The following FBRSL1 variants were observed in gnomAD, a reference collection of about 807,000 sequenced individuals.
FBRSL1 encodes fibrosin like 1, also known as fibrosin-1-like protein.
Under a neutral mutation model 89.6 loss-of-function variants are expected in FBRSL1, and 51 were observed. That is an observed-to-expected ratio of 0.57 (90% confidence interval 0.45 to 0.72). FBRSL1 has a LOEUF of 0.72. Among genes scored for constraint, FBRSL1 ranks in the 30% least tolerant of loss-of-function variants. The pLI is 0.00. For missense variants in FBRSL1, 1,618 were observed against 1,451.8 expected (o/e 1.11, Z -1.86); for synonymous variants, 779 against 681.1 (o/e 1.14, Z -2.24).
At chr12:132,517,426 G>C (rs1240303664) in intron 2 of FBRSL1, among the ~76,000 whole-genome samples, 1 of 152,210 alleles carries the variant, frequency 6.6e-6, no homozygotes, top group African/African-American at 2.4e-5. Flanking sequence ...GGTCGGGAAG[G>C]CTCTTCCGAC....
intron 1 of FBRSL1, among the ~76,000 whole-genome samples, chr12:132,505,543 A>G (rs183435860): frequency 7.7e-4 from 117 of 152,236 alleles, no homozygotes; most frequent in Admixed American, 1.6e-3. Flanking sequence ...GCTGCCTGTC[A>G]TGGTGGCCTT....
chr12:132,562,570 G>A (rs11829139), intron 5 of FBRSL1, among the ~76,000 whole-genome samples: 1 of 40,544 alleles, frequency 2.5e-5, no homozygotes, highest in Non-Finnish European at 4.2e-5. Flanking sequence ...GCAGGACCCC[G>A]ACCCCGGGGA....
chr12:132,581,130 T>C lies in FBRSL1; in HGVS notation c.1835-309T>C. The C allele has an allele frequency of 6.1e-6, 6 of 985,476 alleles. No homozygotes were observed. The South Asian group carries it at 1.9e-4, about 31-fold the overall frequency. The allele number at this position is 985,476 out of a possible 1,614,324, so 61.0% of individuals were successfully genotyped here. Reference sequence around the variant, plus strand: ...TGGTCCGATCAAGGTGCATGTTACTTGGACTTTGTCTCTGCCCAAGTTGCA... The same window carrying C: ...TGGTCCGATCAAGGTGCATGTTACTCGGACTTTGTCTCTGCCCAAGTTGCA... On this transcript the variant is annotated intron_variant, in intron 15 of 18. Coordinates refer to ENST00000680143, the MANE Select transcript of FBRSL1 (RefSeq NM_001367871.1).
intron 1 of FBRSL1, among the ~76,000 whole-genome samples, chr12:132,496,462 G>A (rs571986447): frequency 1.1e-4 from 16 of 152,288 alleles, no homozygotes; most frequent in Admixed American, 4.6e-4. Flanking sequence ...TGGAAGCCTC[G>A]TTTCACTGTG....
At chr12:132,567,121 T>C (rs1467252541) in intron 5 of FBRSL1, among the ~76,000 whole-genome samples, 5 of 152,172 alleles carry the variant, frequency 3.3e-5, no homozygotes, top group Non-Finnish European at 5.9e-5. Flanking sequence ...CCACAGCTAC[T>C]GGTGCTGGTT....
intron 1 of FBRSL1, among the ~76,000 whole-genome samples, chr12:132,496,883 C>T (rs867554948): frequency 3.5e-5 from 5 of 141,220 alleles, no homozygotes; most frequent in Admixed American, 2.9e-4. Context: ...GGTCCAGCAT[C>T]GGGTAGGGGT....
intron 1 of FBRSL1, among the ~76,000 whole-genome samples, chr12:132,497,466 G>T (rs900726640): frequency 1.8e-4 from 27 of 152,088 alleles, no homozygotes; most frequent in Non-Finnish European, 3.5e-4. Flanking sequence ...GCCCACCTGA[G>T]TCTCCAGGAG....
rs2040972556 is a variant in FBRSL1, at chr12:132,583,905, A to T, written c.*127A>T. 1 of 398,578 alleles carries T rather than the reference A, an allele frequency of 2.5e-6. No homozygotes were observed. The highest frequency in any genetic ancestry group is 1.2e-4 in the South Asian group (1 of 8,452). 24.7% of individuals were successfully genotyped at this position (398,578 alleles called of 1,614,324 possible). A position where few individuals can be genotyped will look rare whatever the true frequency, so the allele number is the denominator to read the frequency against. On this transcript the variant is annotated 3_prime_UTR_variant, in exon 19 of 19. Transcript: ENST00000680143. ...CCGCCTCTCCACCCGCAGCCTGCGG[A>T]GGCGGGGACTTGGGTGTCGGCTTTT...
intron 4 of FBRSL1, among the ~76,000 whole-genome samples, chr12:132,536,545 G>A (rs1188043384): frequency 5.3e-5 from 8 of 151,050 alleles, no homozygotes. Flanking sequence ...TGTGCTATGT[G>A]TACATGACAG....
chr12:132,505,311 G>A (rs906993290), intron 1 of FBRSL1, among the ~76,000 whole-genome samples: 2 of 152,176 alleles, frequency 1.3e-5, no homozygotes, highest in African/African-American at 4.8e-5. Flanking sequence ...TCCTTCCACG[G>A]AGCCCAGGCA....
chr12:132,525,272 C>T (rs979621596), intron 2 of FBRSL1, among the ~76,000 whole-genome samples: 2 of 152,228 alleles, frequency 1.3e-5, no homozygotes, highest in Non-Finnish European at 2.9e-5. Context: ...CACTGAGGCT[C>T]GACCTGGAGG....
chr12:132,573,985 G>A, intron 11 of FBRSL1, 105 bp from the exon 12 acceptor site: 2 of 738,376 alleles, frequency 2.7e-6, no homozygotes, highest in Non-Finnish European at 3.5e-6. Context: ...GGGCCCCACG[G>A]CAAGGCAAAG....
intron 15 of FBRSL1, among the ~76,000 whole-genome samples, chr12:132,578,201 C>A (rs567617859): frequency 2.0e-5 from 3 of 152,304 alleles, no homozygotes; most frequent in Admixed American, 6.5e-5. Context: ...AGACCATGAC[C>A]AGGCGTGGTG....
chr12:132,551,722 G>A (rs898139298), intron 5 of FBRSL1: 53 of 387,528 alleles, frequency 1.4e-4, no homozygotes, highest in Non-Finnish European at 1.9e-4. Flanking sequence ...CCGCCCAGCC[G>A]CCCCCTCCCC....
At chr12:132,578,185 T>C (rs1213056459) in intron 15 of FBRSL1, among the ~76,000 whole-genome samples, 2 of 152,212 alleles carry the variant, frequency 1.3e-5, no homozygotes, top group Non-Finnish European at 2.9e-5. Flanking sequence ...GAAAACCTTA[T>C]GAGGCAGACC....
chr12:132,550,954 G>A (rs780572975), intron 5 of FBRSL1: 29 of 206,820 alleles, frequency 1.4e-4, no homozygotes, highest in Admixed American at 2.0e-4. Context: ...CCATCCAGAC[G>A]CACACAGAGG....
In FBRSL1 at chr12:132,583,903, G is replaced by C. The variant is rs181558716; in HGVS notation, c.*125G>C. 783 of 406,288 alleles carry C rather than the reference G, an allele frequency of 1.9e-3. 1 individual carries two copies. The highest frequency in any genetic ancestry group is 2.9e-3 in the Admixed American group (54 of 18,550). The allele number at this position is 406,288 out of a possible 1,614,324, so 25.2% of individuals were successfully genotyped here. A position where few individuals can be genotyped will look rare whatever the true frequency, so the allele number is the denominator to read the frequency against. On this transcript the variant is annotated 3_prime_UTR_variant, in exon 19 of 19. Transcript: ENST00000680143. ...CGCCGCCTCTCCACCCGCAGCCTGC[G>C]GAGGCGGGGACTTGGGTGTCGGCTT...
intron 2 of FBRSL1, among the ~76,000 whole-genome samples, chr12:132,512,603 C>T (rs926197186): frequency 5.9e-5 from 9 of 152,372 alleles, no homozygotes; most frequent in Admixed American, 4.6e-4. Flanking sequence ...CTCCTGCCCT[C>T]TTTCCACTTT....
intron 2 of FBRSL1, among the ~76,000 whole-genome samples, chr12:132,518,244 A>C (rs2035021503): frequency 6.9e-6 from 1 of 144,246 alleles, no homozygotes; most frequent in African/African-American, 2.6e-5. Context: ...TCTGTCCATC[A>C]TCCACCTGTC....
Sources: allele counts gnomAD v4.1 joint callset (sites outside exome capture counted in the v4.1 genomes callset), GRCh38; gene constraint gnomAD v4.1.1; transcripts MANE v1.5; gene names NCBI Gene and HGNC (gene_info 2026-07-23, HGNC 2026-07-21).